GRIK4: variants seen among roughly 807,000 people sequenced by gnomAD.
GRIK4 encodes glutamate ionotropic receptor kainate type subunit 4.
In GRIK4, 40 loss-of-function variants were observed where a neutral mutation model predicts 104.9. The ratio of observed to expected loss-of-function variants is 0.38; its 90% CI spans 0.30 to 0.50. The LOEUF (loss-of-function observed/expected upper bound fraction) is 0.50, where lower values mean the gene tolerates loss of function less well. Among genes scored for constraint, GRIK4 ranks in the 20% least tolerant of loss-of-function variants. GRIK4 has a pLI of 0.93. For synonymous variants in GRIK4, 485 were observed against 524.9 expected (o/e 0.92, Z 1.04); for missense variants, 1,047 against 1,308.1 (o/e 0.80, Z 3.08).
intron 11 of GRIK4, among the ~76,000 whole-genome samples, chr11:120,878,381 C>T (rs1954874706): frequency 6.6e-6 from 1 of 152,140 alleles, no homozygotes; most frequent in South Asian, 2.1e-4. Flanking sequence ...ACAGACTACC[C>T]TTTGACAAAT....
chr11:120,920,931 AC>A (rs1943214774), intron 13 of GRIK4, among the ~76,000 whole-genome samples: 1 of 152,136 alleles, frequency 6.6e-6, no homozygotes, highest in Non-Finnish European at 1.5e-5. Flanking sequence ...AGTGCCCCAC[AC>A]TCACTGGCCT....
At chr11:120,879,132 A>G (rs901803685) in intron 11 of GRIK4, among the ~76,000 whole-genome samples, 8 of 152,214 alleles carry the variant, frequency 5.3e-5, no homozygotes, top group Non-Finnish European at 1.0e-4. Flanking sequence ...AGGACTTCAG[A>G]CAGAGCTGGA....
At chr11:120,745,468 C>T (rs1367776553) in intron 3 of GRIK4, among the ~76,000 whole-genome samples, 2 of 152,146 alleles carry the variant, frequency 1.3e-5, no homozygotes, top group East Asian at 1.9e-4. Context: ...TGTGCTTGTC[C>T]TCTAATGTAC....
intron 3 of GRIK4, among the ~76,000 whole-genome samples, chr11:120,774,667 A>C (rs1952007096): frequency 6.6e-6 from 1 of 152,224 alleles, no homozygotes. Flanking sequence ...TTGGCCAAAC[A>C]TTCAGGCACT....
chr11:120,630,013 G>A (rs1490281820), intron 1 of GRIK4, among the ~76,000 whole-genome samples: 1 of 152,202 alleles, frequency 6.6e-6, no homozygotes, highest in Non-Finnish European at 1.5e-5. Context: ...ATTTGTGTGT[G>A]GGGGAGAGAG....
At chr11:120,808,029 T>C (rs886638110) in intron 4 of GRIK4, among the ~76,000 whole-genome samples, 6 of 151,996 alleles carry the variant, frequency 3.9e-5, no homozygotes, top group African/African-American at 9.7e-5. Flanking sequence ...AGAATGTTGA[T>C]TGATGAAGAG....
At chr11:120,843,456 G>C (rs1293617244) in intron 8 of GRIK4, among the ~76,000 whole-genome samples, 2 of 152,372 alleles carry the variant, frequency 1.3e-5, no homozygotes, top group East Asian at 3.9e-4. Context: ...CCCTGGACTA[G>C]CAGTGAAGCA....
intron 3 of GRIK4, among the ~76,000 whole-genome samples, chr11:120,717,875 G>C (rs3132784): frequency 0.43 from 65,221 of 151,988 alleles, 14,829 homozygotes; most frequent in South Asian, 0.55. Context: ...CCTGGAGGCT[G>C]AGCAGCTGGG....
chr11:120,933,227 G>A (rs973111168), intron 13 of GRIK4, among the ~76,000 whole-genome samples: 5 of 152,216 alleles, frequency 3.3e-5, no homozygotes, highest in Non-Finnish European at 4.4e-5. Flanking sequence ...AGTGGGGGAC[G>A]CGGTGACCAG....
chr11:120,761,563 A>C (rs1222220928), intron 3 of GRIK4, among the ~76,000 whole-genome samples: 1 of 152,138 alleles, frequency 6.6e-6, no homozygotes, highest in African/African-American at 2.4e-5. Context: ...GTTTTCTTCT[A>C]GAGTTTTTAT....
chr11:120,907,244 T>C (rs1262423212), intron 13 of GRIK4, among the ~76,000 whole-genome samples: 4 of 152,198 alleles, frequency 2.6e-5, no homozygotes, highest in Non-Finnish European at 2.9e-5. Context: ...CTTGTTCACC[T>C]TGAGCTGATT....
intron 1 of GRIK4, among the ~76,000 whole-genome samples, chr11:120,563,271 G>A (rs2136103702): frequency 6.6e-6 from 1 of 152,250 alleles, no homozygotes; most frequent in East Asian, 1.9e-4. Flanking sequence ...ATACTAGCAT[G>A]TGGCCACTTG....
chr11:120,845,886 G>T (rs1048194069), intron 8 of GRIK4, among the ~76,000 whole-genome samples: 1 of 152,212 alleles, frequency 6.6e-6, no homozygotes, highest in Non-Finnish European at 1.5e-5. Flanking sequence ...TGGAGTGAAA[G>T]CTCCTTGTGT....
At chr11:120,532,939 C>T (rs979800978) in intron 1 of GRIK4, among the ~76,000 whole-genome samples, 7 of 152,110 alleles carry the variant, frequency 4.6e-5, no homozygotes, top group African/African-American at 1.7e-4. Flanking sequence ...TTCACCAGGC[C>T]CTGTGTTCAG....
At chr11:120,852,164 T>C (rs1217707332) in intron 8 of GRIK4, among the ~76,000 whole-genome samples, 1 of 152,222 alleles carries the variant, frequency 6.6e-6, no homozygotes, top group Non-Finnish European at 1.5e-5. Context: ...ACACAGTTAA[T>C]AACTACTTAT....
intron 3 of GRIK4, among the ~76,000 whole-genome samples, chr11:120,671,611 G>T (rs10790392): frequency 6.6e-6 from 1 of 152,070 alleles, no homozygotes; most frequent in African/African-American, 2.4e-5. Context: ...TAAGTTCCTT[G>T]TAGATTCTGG....
chr11:120,652,080 C>G (rs911335190), intron 1 of GRIK4, among the ~76,000 whole-genome samples: 2 of 152,184 alleles, frequency 1.3e-5, no homozygotes, highest in African/African-American at 4.8e-5. Flanking sequence ...CCTTTGAGTT[C>G]CAGGTCTGCA....
rs190907762 is a variant in GRIK4 at position 120,645,306 on chromosome 11, G to A, written c.-158-8379G>A. On this transcript the variant is annotated intron_variant, in intron 1 of 20. Transcript: ENST00000527524. ...GTGACTGCGGTTCCCAGCCTGTGCCGGGTGACTGATGTCTCTGCCTGCCTC... is the reference window on the plus strand; with the variant it reads ...GTGACTGCGGTTCCCAGCCTGTGCCAGGTGACTGATGTCTCTGCCTGCCTC... Among the ~76,000 whole-genome samples the A allele has an allele frequency of 9.2e-5, 14 of 152,308 alleles. No homozygotes were observed. The East Asian group carries it at 1.9e-3, about 21-fold the overall frequency.
chr11:120,627,818 C>CG (rs1297788256), intron 1 of GRIK4, among the ~76,000 whole-genome samples: 3 of 152,212 alleles, frequency 2.0e-5, no homozygotes, highest in African/African-American at 7.2e-5. Context: ...GCATCCTCCC[C>CG]TTTTCCAGCA....
Sources: gnomAD v4.1 joint callset for allele counts (sites outside exome capture counted in the v4.1 genomes callset) on GRCh38, gnomAD v4.1.1 for gene constraint, MANE v1.5 for transcripts, NCBI Gene and HGNC (gene_info 2026-07-23, HGNC 2026-07-21) for gene names.